The following KLHL25 variants were observed in gnomAD, a reference collection of about 807,000 sequenced individuals.
The protein encoded by KLHL25 is kelch-like protein 25.
In KLHL25, 41 loss-of-function variants were observed where a neutral mutation model predicts 30.0. The observed-to-expected ratio is 1.37, with a 90% CI of 1.07 to 1.78. The LOEUF is 1.78. Ranked by LOEUF, KLHL25 falls within the 40% of genes most tolerant of loss-of-function variation. The pLI is 0.00. For missense variants in KLHL25, 971 were observed against 824.5 expected, an observed-to-expected ratio of 1.18 and a Z score of -2.18; for synonymous variants, 399 against 355.3, an observed-to-expected ratio of 1.12 and a Z score of -1.38.
chr15:85,789,855 C>T lies in KLHL25; in HGVS notation c.-11+4911G>A, dbSNP rs997358361. On this transcript the variant is annotated intron_variant, in intron 1 of 2. Transcript: ENST00000337975. This position sits in a 1 kb window ranked among gnomAD's most constrained non-coding sequence, Gnocchi z 4.1. ...CCACCAGCCCCTTCGCAGGAGGCCTCAAACTCTGAGGCAGTGGGCAGGGAC... is the reference window on the plus strand; with the variant it reads ...CCACCAGCCCCTTCGCAGGAGGCCTTAAACTCTGAGGCAGTGGGCAGGGAC... 6.6e-6 allele frequency among the ~76,000 whole-genome samples: 1 copy of T among 152,180 alleles called. No individual in the cohort carries two copies. The highest frequency in any genetic ancestry group is 2.4e-5 in the African/African-American group (1 of 41,450).
At chr15:85,790,471 G>A (rs1188265191) in intron 1 of KLHL25, among the ~76,000 whole-genome samples, 1 of 152,164 alleles carries the variant, frequency 6.6e-6, no homozygotes, top group Non-Finnish European at 1.5e-5. Context: ...CAAGTAACTC[G>A]AGCCTTATAA....
At chr15:85,774,107 G>C (rs552057032) in intron 1 of KLHL25, among the ~76,000 whole-genome samples, 1 of 152,142 alleles carries the variant, frequency 6.6e-6, no homozygotes, top group East Asian at 1.9e-4. Context: ...CAGCGGCGGG[G>C]GGTGGGGAGC....
rs759545614 is a variant in KLHL25 at position 85,768,360 on chromosome 15, T to G, written c.1451A>C (p.Tyr484Ser). The part of the protein sequence containing the change: ...IKAECPQPWR[Y>S]TAAAVLGSQI... ...GCTGCCCAGGACGGCAGCGGCTGTG[T>G]ACCGCCAAGGCTGGGGGCACTCGGC... Residue 484 changes from tyrosine (Y) to serine (S), a missense_variant, in exon 2 of 3, where the codon TAC becomes TCC. By Grantham distance (144) the Tyr-to-Ser change is moderately radical (BLOSUM62 -2). Coordinates refer to ENST00000337975, the MANE Select transcript of KLHL25 (RefSeq NM_022480.4). 7 of 1,613,630 alleles carry G rather than the reference T, an allele frequency of 4.3e-6. No individual in the cohort carries two copies. The highest frequency in any genetic ancestry group is 5.9e-6 in the Non-Finnish European group (7 of 1,180,046).
intron 1 of KLHL25, among the ~76,000 whole-genome samples, chr15:85,793,861 T>C (rs1258204643): frequency 6.6e-6 from 1 of 152,154 alleles, no homozygotes; most frequent in Non-Finnish European, 1.5e-5. Flanking sequence ...AGATTAAATC[T>C]GCAGGGGCCT....
Position 85,768,528 on chromosome 15 carries a change from G to A in KLHL25, c.1283C>T (p.Ala428Val), listed in dbSNP as rs894714711. The change falls in exon 2 of 3, where the codon GCC becomes GTC. Residue 428 changes from alanine to valine, a missense_variant. Coordinates refer to ENST00000337975, the MANE Select transcript of KLHL25 (RefSeq NM_022480.4). ...DPGANKWMMV[A>V]PLRDGVSNAA... The stretch of plus-strand genomic sequence containing the variant: ...ATTGCTGACGCCATCCCGCAAGGGG[G>A]CCACCATCATCCACTTGTTGGCCCC... 6.2e-7 allele frequency: 1 copy of A among 1,613,480 alleles called. No individual in the cohort carries two copies. The highest frequency in any genetic ancestry group is 1.6e-4 in the Middle Eastern group (1 of 6,080).
chr15:85,783,992 A>C (rs1008880627), intron 1 of KLHL25, among the ~76,000 whole-genome samples: 1 of 152,252 alleles, frequency 6.6e-6, no homozygotes, highest in African/African-American at 2.4e-5. Context: ...AAGAGAGAAT[A>C]CACGTAAAGA....
intron 2 of KLHL25, chr15:85,764,297 G>A (rs1457414056): frequency 1.3e-5 from 2 of 152,454 alleles, no homozygotes; most frequent in Non-Finnish European, 2.9e-5. Flanking sequence ...AACAACCCAG[G>A]GTCATAGTGA....
intron 1 of KLHL25, among the ~76,000 whole-genome samples, chr15:85,791,856 T>G (rs2151814449): frequency 6.6e-6 from 1 of 152,304 alleles, no homozygotes; most frequent in South Asian, 2.1e-4. Flanking sequence ...GTTAAGGAAC[T>G]TGATCACAGA....
intron 1 of KLHL25, among the ~76,000 whole-genome samples, chr15:85,791,451 C>T (rs34061566): frequency 0.12 from 18,408 of 152,142 alleles, 1,356 homozygotes; most frequent in East Asian, 0.34. Context: ...ACCAAGATGG[C>T]GCCATTGCAC....
rs1378810675 is a variant in KLHL25, at chr15:85,794,920, G to C, written c.-165C>G. On this transcript the variant is annotated 5_prime_UTR_variant, in exon 1 of 3. Coordinates refer to ENST00000337975, the MANE Select transcript of KLHL25 (RefSeq NM_022480.4). ...CAGCCTAGGCGCCGCCAACAAACTA[G>C]TTTCTCCGGCCTTCCCGCCCCGCCT... The C allele has an allele frequency of 6.6e-6, 1 of 152,468 alleles. No homozygotes were observed. Among genetic ancestry groups the C allele is most frequent in the Admixed American group, 6.5e-5 (1 of 15,284 alleles). 9.4% of individuals were successfully genotyped at this position (152,468 alleles called of 1,614,324 possible).
At chr15:85,776,703 A>T (rs2089711474) in intron 1 of KLHL25, among the ~76,000 whole-genome samples, 1 of 152,060 alleles carries the variant, frequency 6.6e-6, no homozygotes, top group Non-Finnish European at 1.5e-5. Context: ...AGGTGGGCGG[A>T]TCATGAGGTC....
rs149053969 is a variant in KLHL25, at chr15:85,781,098, G to A, written c.-10-11278C>T. 5.3e-4 allele frequency among the ~76,000 whole-genome samples: 81 copies of A among 152,280 alleles called. 1 individual carries two copies. Among genetic ancestry groups the A allele is most frequent in the East Asian group, 3.1e-3 (16 of 5,178 alleles). On this transcript the variant is annotated intron_variant, in intron 1 of 2. Coordinates refer to ENST00000337975, the MANE Select transcript of KLHL25 (RefSeq NM_022480.4). ...TGTAATCCTAGTACTACTTTGGGAG[G>A]CCAAGGTAGGTGGATCACCTGAGGT...
At chr15:85,776,757 C>G (rs2089711872) in intron 1 of KLHL25, among the ~76,000 whole-genome samples, 1 of 151,576 alleles carries the variant, frequency 6.6e-6, no homozygotes, top group Non-Finnish European at 1.5e-5. Flanking sequence ...AACCCTGCCT[C>G]TACTAAAAAT....
chr15:85,778,680 C>T (rs2089725917), intron 1 of KLHL25, among the ~76,000 whole-genome samples: 2 of 152,182 alleles, frequency 1.3e-5, no homozygotes, highest in Non-Finnish European at 2.9e-5. Flanking sequence ...GGGCGGCGTT[C>T]AAATCCAGGC....
At chr15:85,761,050 CCA>C (rs1387540594) in intron 2 of KLHL25, 39 bp from the exon 3 acceptor site, 1 of 152,360 alleles carries the variant, frequency 6.6e-6, no homozygotes, top group East Asian at 1.9e-4. Context: ...CAATCAGTGG[CCA>C]CATTGTTCTG....
At chr15:85,787,457 TAGGTG>T (rs971952197) in intron 1 of KLHL25, among the ~76,000 whole-genome samples, 13 of 152,016 alleles carry the variant, frequency 8.6e-5, no homozygotes, top group Non-Finnish European at 1.8e-4. Flanking sequence ...AAAAAAAAAT[TAGGTG>T]AGTCTGTAGA....
intron 2 of KLHL25, chr15:85,762,307 C>T (rs1200137262): frequency 6.6e-6 from 1 of 152,360 alleles, no homozygotes; most frequent in African/African-American, 2.4e-5. Context: ...GGCCTCACTG[C>T]TACCTGGAAC....
At chr15:85,788,914 C>T (rs571962052) in intron 1 of KLHL25, among the ~76,000 whole-genome samples, 2 of 152,286 alleles carry the variant, frequency 1.3e-5, no homozygotes, top group South Asian at 4.1e-4. Context: ...TGGATGGAAT[C>T]GCCATGGTTT....
intron 1 of KLHL25, among the ~76,000 whole-genome samples, chr15:85,790,267 T>C (rs574304082): frequency 6.6e-6 from 1 of 152,326 alleles, no homozygotes; most frequent in East Asian, 1.9e-4. Context: ...TTCGTATTTT[T>C]AGTAAACAAG....
Sources: gnomAD v4.1 joint callset for allele counts (sites outside exome capture counted in the v4.1 genomes callset) on GRCh38, gnomAD v4.1.1 for gene constraint, Gnocchi (gnomAD v3.1) non-coding constraint, MANE v1.5 for transcripts, NCBI Gene and HGNC (gene_info 2026-07-23, HGNC 2026-07-21) for gene names.